Variants in XRN2 observed in about 807,000 individuals in gnomAD.
The protein encoded by XRN2 is DHM1-like protein.
Under a neutral mutation model 138.5 loss-of-function variants are expected in XRN2, and 44 were observed. The observed-to-expected ratio is 0.32, with a 90% CI of 0.25 to 0.41. The LOEUF (loss-of-function observed/expected upper bound fraction) is 0.41. Ranked by LOEUF, XRN2 falls within the 10% of genes least tolerant of loss-of-function variation. The probability of loss-of-function intolerance (pLI) is 1.00; values close to 1 mark genes in which losing one functional copy is unlikely to be tolerated. For missense variants in XRN2, 937 were observed against 1,169.3 expected (o/e 0.80, Z 2.90); for synonymous variants, 354 against 369.4 (o/e 0.96, Z 0.48).
intron 1 of XRN2, among the ~76,000 whole-genome samples, chr20:21,310,905 C>T (rs751123209): frequency 5.9e-5 from 9 of 151,892 alleles, no homozygotes; most frequent in Middle Eastern, 3.2e-3. Context: ...CCACCACGCC[C>T]GGCAAATTTT....
At chr20:21,384,902 T>C (rs186346105) in intron 28 of XRN2, among the ~76,000 whole-genome samples, 25 of 152,344 alleles carry the variant, frequency 1.6e-4, no homozygotes, top group Non-Finnish European at 3.2e-4. Flanking sequence ...TTGCAAAATA[T>C]ATAATTAGTC....
At chr20:21,329,355 A>G (rs571625331) in intron 4 of XRN2, among the ~76,000 whole-genome samples, 1 of 152,166 alleles carries the variant, frequency 6.6e-6, no homozygotes, top group Non-Finnish European at 1.5e-5. Context: ...GTTCTCTCCT[A>G]CCACACCTGT....
chr20:21,344,056 A>G, intron 15 of XRN2, 34 bp from the exon 16 acceptor site: 1 of 1,490,926 alleles, frequency 6.7e-7, no homozygotes, highest in Non-Finnish European at 9.3e-7. Flanking sequence ...TGAATAATGA[A>G]ATCCTTCTTC....
chr20:21,354,731 A>C, intron 20 of XRN2, 58 bp from the exon 21 acceptor site: 2 of 1,503,252 alleles, frequency 1.3e-6, no homozygotes, highest in Non-Finnish European at 1.8e-6. Flanking sequence ...AGCAATGATA[A>C]GTTGGAATTT....
chr20:21,361,823 T>C (rs773647584), intron 24 of XRN2, among the ~76,000 whole-genome samples: 1 of 152,246 alleles, frequency 6.6e-6, no homozygotes, highest in African/African-American at 2.4e-5. Flanking sequence ...ATGGCTGTTA[T>C]CACATTGGAA....
At chr20:21,329,446 G>A (rs2038173117) in intron 4 of XRN2, among the ~76,000 whole-genome samples, 1 of 152,176 alleles carries the variant, frequency 6.6e-6, no homozygotes, top group Non-Finnish European at 1.5e-5. Context: ...AAAAGCCACA[G>A]TGTCTTGGCT....
intron 1 of XRN2, among the ~76,000 whole-genome samples, chr20:21,321,424 G>A (rs1246088994): frequency 6.6e-6 from 1 of 151,328 alleles, no homozygotes; most frequent in Non-Finnish European, 1.5e-5. Flanking sequence ...CAACTCCTGG[G>A]CTCATGCAGA....
At chr20:21,387,126 C>T in intron 29 of XRN2, 120 bp downstream of exon 29, 2 of 1,322,500 alleles carry the variant, frequency 1.5e-6, no homozygotes, top group Non-Finnish European at 2.0e-6. Flanking sequence ...CTTAGAGTAG[C>T]TTGGCTGAAC....
intron 4 of XRN2, 60 bp from the exon 5 acceptor site, chr20:21,330,421 A>G (rs1391397324): frequency 4.4e-6 from 7 of 1,576,194 alleles, no homozygotes; most frequent in Non-Finnish European, 5.2e-6. Context: ...TTCTGGCTTA[A>G]TGTTGAGTAA....
At chr20:21,381,713 T>TACACAC (rs10523116) in intron 27 of XRN2, among the ~76,000 whole-genome samples, 2 of 150,128 alleles carry the variant, frequency 1.3e-5, no homozygotes, top group Non-Finnish European at 1.5e-5. Flanking sequence ...TACACACACA[T>TACACAC]ACACACACAC....
chr20:21,344,831 A>G (rs1394422833), intron 16 of XRN2, among the ~76,000 whole-genome samples: 4 of 152,156 alleles, frequency 2.6e-5, no homozygotes, highest in African/African-American at 9.7e-5. Flanking sequence ...AAGATTAACA[A>G]CCTCTCATGT....
At chr20:21,317,342 C>T (rs1166030386) in intron 1 of XRN2, among the ~76,000 whole-genome samples, 1 of 151,408 alleles carries the variant, frequency 6.6e-6, no homozygotes, top group East Asian at 1.9e-4. Context: ...TTTTCGAACG[C>T]TTTTTCTATA....
intron 16 of XRN2, among the ~76,000 whole-genome samples, chr20:21,344,528 C>T (rs2038411668): frequency 1.3e-5 from 2 of 152,206 alleles, no homozygotes; most frequent in South Asian, 2.1e-4. Flanking sequence ...CTGAATGTTG[C>T]TGTTTGGAGA....
rs71806398 is a variant in XRN2 at position 21,331,399 on chromosome 20, TCACACACA to T, written c.577-130_577-123del. Among the ~76,000 whole-genome samples, 149 of 144,042 alleles carry T rather than the reference TCACACACA, an allele frequency of 1.0e-3. 1 individual carries two copies. The East Asian group carries it at 0.011, about 10-fold the overall frequency. 94.5% of individuals were successfully genotyped at this position (144,042 alleles called of 152,430 possible). A position where few individuals can be genotyped will look rare whatever the true frequency, so the allele number is the denominator to read the frequency against. On this transcript the variant is annotated intron_variant, in intron 6 of 29. Coordinates refer to ENST00000377191, the MANE Select transcript of XRN2 (RefSeq NM_012255.5). ...TTCAGTGAAGTAGTTTTGGTGTTTT[TCACACACA>T]CACACACACACACACACACACACAC...
At chr20:21,322,205 G>A (rs549928846) in intron 1 of XRN2, among the ~76,000 whole-genome samples, 7 of 152,252 alleles carry the variant, frequency 4.6e-5, no homozygotes, top group East Asian at 1.9e-4. Flanking sequence ...TAAGTGCTCC[G>A]TAAATGCTAG....
Position 21,365,553 on chromosome 20 carries a change from T to C in XRN2, c.2325-20T>C. On this transcript the variant is annotated intron_variant, in intron 25 of 29. Coordinates refer to ENST00000377191, the MANE Select transcript of XRN2 (RefSeq NM_012255.5). ...TGGTTTTCATCCCTATTACTAAGTG[T>C]TGTCTTTTTAAATGGTCAGAAAGCC... 6.2e-7 allele frequency: 1 copy of C among 1,613,450 alleles called. No homozygotes were observed. The highest frequency in any genetic ancestry group is 8.5e-7 in the Non-Finnish European group (1 of 1,179,846).
Position 21,339,774 on chromosome 20 carries a change from A to G in XRN2, c.1278+686A>G, listed in dbSNP as rs577290966. Reference sequence around the variant, plus strand: ...CTCTGGTGCTTCCTATGTCTGATACATGTTTTCTTACTTAATTGCATAATG... The same window carrying G: ...CTCTGGTGCTTCCTATGTCTGATACGTGTTTTCTTACTTAATTGCATAATG... On this transcript the variant is annotated intron_variant, in intron 14 of 29. Coordinates refer to ENST00000377191, the MANE Select transcript of XRN2 (RefSeq NM_012255.5). Among the ~76,000 whole-genome samples the G allele has an allele frequency of 7.9e-5, 12 of 152,252 alleles. No individual in the cohort carries two copies. The East Asian group carries it at 2.3e-3, about 29-fold the overall frequency.
chr20:21,333,433 T>G, intron 9 of XRN2, 111 bp from the exon 10 acceptor site: 1 of 1,086,316 alleles, frequency 9.2e-7, no homozygotes, highest in South Asian at 1.3e-5. Context: ...AATTAAATAC[T>G]TGTGATATTA....
At chr20:21,373,080 T>G (rs1161446240) in intron 27 of XRN2, among the ~76,000 whole-genome samples, 1 of 152,122 alleles carries the variant, frequency 6.6e-6, no homozygotes, top group Non-Finnish European at 1.5e-5. Context: ...TGGCACAATC[T>G]TGGCTCACCA....
Sources: gnomAD v4.1 joint callset for allele counts (sites outside exome capture counted in the v4.1 genomes callset) on GRCh38, gnomAD v4.1.1 for gene constraint, MANE v1.5 for transcripts, NCBI Gene and HGNC (gene_info 2026-07-23, HGNC 2026-07-21) for gene names.